The following ECHDC1 variants were observed in gnomAD, a reference collection of about 807,000 sequenced individuals.
The protein encoded by ECHDC1 is ethylmalonyl-CoA decarboxylase 1, also known as ethylmalonyl-CoA decarboxylase.
In ECHDC1, 29 loss-of-function variants were observed where a neutral mutation model predicts 29.7. The observed-to-expected ratio is 0.98, with a 90% CI of 0.73 to 1.33. ECHDC1 has a LOEUF of 1.33. ECHDC1 is among the 40% of genes most tolerant of loss of function. ECHDC1 has a pLI of 0.00. For synonymous variants in ECHDC1, 126 were observed against 123.1 expected (o/e 1.02, Z -0.15); for missense variants, 328 against 350.0 (o/e 0.94, Z 0.50).
At position 127,330,930 on chromosome 6, in the gene ECHDC1, A is replaced by G. The variant is rs145264323; in HGVS notation, c.99T>C (p.Tyr33=). 151 of 1,614,158 alleles carry G rather than the reference A, an allele frequency of 9.4e-5. No individual in the cohort carries two copies. In the African/African-American group the frequency reaches 1.5e-3, roughly 16 times the overall value. Residue 33 remains tyrosine (Y), a synonymous_variant, in exon 2 of 6, where the codon TAT becomes TAC. Transcript: ENST00000454859. ...LSLYSTSHGF[Y]EEEVKKTLQQ... ...GAAGTGTTTTTTTCACTTCTTCCTC[A>G]TAAAATCCATGGGATGTACTATAAA...
chr6:127,294,756 G>A (rs1250813824), intron 5 of ECHDC1: 4 of 151,826 alleles, frequency 2.6e-5, no homozygotes, highest in African/African-American at 7.3e-5. Context: ...TCCAAGTAAT[G>A]TGATAACTAC....
chr6:127,322,859 A>C (rs1215211791), intron 3 of ECHDC1, among the ~76,000 whole-genome samples: 1 of 152,124 alleles, frequency 6.6e-6, no homozygotes, highest in Non-Finnish European at 1.5e-5. Context: ...CTATTATATC[A>C]TTCTGTCTTT....
chr6:127,333,359 TC>T (rs1481080231), intron 1 of ECHDC1, among the ~76,000 whole-genome samples: 2 of 152,198 alleles, frequency 1.3e-5, no homozygotes, highest in Non-Finnish European at 2.9e-5. Flanking sequence ...AGATCTATTT[TC>T]CTTTCACATA....
intron 1 of ECHDC1, among the ~76,000 whole-genome samples, chr6:127,341,971 C>T (rs3798859): frequency 0.54 from 81,979 of 152,164 alleles, 24,227 homozygotes; most frequent in Non-Finnish European, 0.68. Context: ...TTACATGCCA[C>T]CCACAACTCT....
At chr6:127,319,807 CCTT>C (rs1782692685) in intron 3 of ECHDC1, among the ~76,000 whole-genome samples, 2 of 152,166 alleles carry the variant, frequency 1.3e-5, no homozygotes, top group South Asian at 4.1e-4. Context: ...TCCTCTAGCT[CCTT>C]CTCATAAAAC....
chr6:127,322,859 A>G (rs1215211791), intron 3 of ECHDC1, among the ~76,000 whole-genome samples: 2 of 152,124 alleles, frequency 1.3e-5, no homozygotes, highest in African/African-American at 2.4e-5. Context: ...CTATTATATC[A>G]TTCTGTCTTT....
Position 127,290,190 on chromosome 6 carries a change from T to G in ECHDC1, c.585A>C (p.Glu195Asp), listed in dbSNP as rs1224947921. The G allele has an allele frequency of 1.9e-6, 3 of 1,613,562 alleles. No homozygotes were observed. The highest frequency in any genetic ancestry group is 4.5e-5 in the East Asian group (2 of 44,866). ...TGAGAGCTTGTCTACTTCCGATTAT[T>G]TCAACTAGCCGGGTGGTGCCACCCC... ...PSWGGTTRLV[E>D]IIGSRQALKV... is the part of the protein sequence containing the mutation. Residue 195 changes from glutamate to aspartate, a missense_variant, in exon 6 of 6, where the codon GAA (glutamate) becomes GAC (aspartate). Glu to Asp is a conservative substitution (Grantham distance 45). Transcript: ENST00000454859.
In ECHDC1 at chr6:127,309,480, A is replaced by AACAC. The variant is rs58621326; in HGVS notation, c.497+5332_497+5335dup. Among the ~76,000 whole-genome samples the AACAC allele has an allele frequency of 1.6e-4, 22 of 138,348 alleles. 1 individual carries two copies. Among genetic ancestry groups the AACAC allele is most frequent in the Non-Finnish European group, 2.6e-4 (17 of 65,360 alleles). The allele number at this position is 138,348 out of a possible 152,430, so 90.8% of individuals were successfully genotyped here. ...AAAAAACCCAGAAAACAAACAACAA[A>AACAC]ACACACACACACACACACACACACA... On this transcript the variant is annotated intron_variant, in intron 5 of 5. Transcript: ENST00000454859.
intron 5 of ECHDC1, among the ~76,000 whole-genome samples, chr6:127,302,939 G>C (rs1293917946): frequency 6.6e-6 from 1 of 152,076 alleles, no homozygotes; most frequent in African/African-American, 2.4e-5. Flanking sequence ...TGACAGCAGA[G>C]GGCACTGTCA....
At chr6:127,306,583 G>A (rs1781458290) in intron 5 of ECHDC1, among the ~76,000 whole-genome samples, 1 of 152,260 alleles carries the variant, frequency 6.6e-6, no homozygotes, top group East Asian at 1.9e-4. Flanking sequence ...AGCCATGTAG[G>A]ACGTGCCTGC....
At position 127,290,493 on chromosome 6, in the gene ECHDC1, C is replaced by CTTGT. The variant is rs1398402343; in HGVS notation, c.498-220_498-217dup. On this transcript the variant is annotated intron_variant, in intron 5 of 5. Transcript: ENST00000454859. ...GAAAACAGTATCATTTTTTGTTGTG[C>CTTGT]TTGTTTACCCTTTGCAAACAAGAAC... Among the ~76,000 whole-genome samples, 6 of 152,024 alleles carry CTTGT rather than the reference C, an allele frequency of 3.9e-5. No homozygotes were observed. The East Asian group carries it at 7.7e-4, about 20-fold the overall frequency.
chr6:127,304,320 G>A (rs1057501802), intron 5 of ECHDC1, among the ~76,000 whole-genome samples: 3 of 152,186 alleles, frequency 2.0e-5, no homozygotes, highest in Non-Finnish European at 4.4e-5. Context: ...CCAGAAGTCT[G>A]CAAGAACCAG....
chr6:127,342,521 T>C, intron 1 of ECHDC1: 1 of 670,658 alleles, frequency 1.5e-6, no homozygotes, highest in Non-Finnish European at 2.4e-6. Flanking sequence ...CCCTCGTAGA[T>C]TTCACAAATA....
chr6:127,338,244 C>A (rs755369044), intron 1 of ECHDC1, among the ~76,000 whole-genome samples: 1 of 152,092 alleles, frequency 6.6e-6, no homozygotes, highest in African/African-American at 2.4e-5. Flanking sequence ...CCATTGTTAG[C>A]GATTTCAGAG....
intron 3 of ECHDC1, among the ~76,000 whole-genome samples, chr6:127,324,643 G>A (rs1298838890): frequency 6.6e-6 from 1 of 152,020 alleles, no homozygotes; most frequent in Non-Finnish European, 1.5e-5. Context: ...ATTGGAGCAG[G>A]GAAAATACAA....
In ECHDC1 at chr6:127,290,249, A is replaced by G; in HGVS notation, c.526T>C (p.Phe176Leu). Reference protein sequence around the residue: ...RLMTPESKIRFVHKEMGIIPS... With the variant: ...RLMTPESKIRLVHKEMGIIPS... ...ATTATGCCCATCTCTTTGTGGACGAATCTGATCTTACTCTCTGGAGTCATT... is the reference window on the plus strand; with the variant it reads ...ATTATGCCCATCTCTTTGTGGACGAGTCTGATCTTACTCTCTGGAGTCATT... Residue 176 changes from phenylalanine (F) to leucine (L), a missense_variant, in exon 6 of 6, where the codon TTC becomes CTC. Coordinates refer to ENST00000454859, the MANE Select transcript of ECHDC1 (RefSeq NM_001002030.2). 2 of 1,613,380 alleles carry G rather than the reference A, an allele frequency of 1.2e-6. No homozygotes were observed. Among genetic ancestry groups the G allele is most frequent in the South Asian group, 1.1e-5 (1 of 91,042 alleles).
chr6:127,290,344 C>T, intron 5 of ECHDC1, 67 bp from the exon 6 acceptor site: 1 of 1,463,606 alleles, frequency 6.8e-7, no homozygotes, highest in Non-Finnish European at 9.2e-7. Flanking sequence ...AAGTACTATC[C>T]ATTCATGATC....
chr6:127,296,986 G>A (rs1034671299), intron 5 of ECHDC1, among the ~76,000 whole-genome samples: 1 of 151,938 alleles, frequency 6.6e-6, no homozygotes, highest in African/African-American at 2.4e-5. Context: ...CAGCCTGGGT[G>A]AGACAGAGCA....
At chr6:127,325,441 T>A (rs1428854554) in intron 3 of ECHDC1, among the ~76,000 whole-genome samples, 1 of 152,174 alleles carries the variant, frequency 6.6e-6, no homozygotes, top group Non-Finnish European at 1.5e-5. Flanking sequence ...AACACTTTGT[T>A]GAATTATGAC....
Sources: gnomAD v4.1 joint callset for allele counts (sites outside exome capture counted in the v4.1 genomes callset) on GRCh38, gnomAD v4.1.1 for gene constraint, MANE v1.5 for transcripts, NCBI Gene and HGNC (gene_info 2026-07-23, HGNC 2026-07-21) for gene names.